Variants in CAMKMT observed in about 807,000 individuals in gnomAD.
CAMKMT encodes CaM KMT.
CAMKMT carries 53 observed loss-of-function variants against 48.0 expected under a neutral mutation model. The ratio of observed to expected loss-of-function variants is 1.10; its 90% CI spans 0.89 to 1.39. CAMKMT has a LOEUF of 1.39. Ranked by LOEUF, CAMKMT falls within the 40% of genes most tolerant of loss-of-function variation. CAMKMT has a pLI of 0.00. For synonymous variants in CAMKMT, 165 were observed against 152.3 expected (o/e 1.08, Z -0.61); for missense variants, 428 against 402.7 (o/e 1.06, Z -0.54).
At chr2:44,641,093 C>T (rs539701859) in intron 3 of CAMKMT, among the ~76,000 whole-genome samples, 1 of 152,258 alleles carries the variant, frequency 6.6e-6, no homozygotes, top group South Asian at 2.1e-4. Flanking sequence ...CTGTTGCCCC[C>T]CTTTTATCTC....
intron 3 of CAMKMT, among the ~76,000 whole-genome samples, chr2:44,687,747 T>C (rs1676419037): frequency 6.6e-6 from 1 of 152,278 alleles, no homozygotes; most frequent in African/African-American, 2.4e-5. Flanking sequence ...ACAGATGCTG[T>C]GGATGGATGC....
At chr2:44,716,535 G>A (rs986437966) in intron 7 of CAMKMT, among the ~76,000 whole-genome samples, 2 of 152,168 alleles carry the variant, frequency 1.3e-5, no homozygotes, top group African/African-American at 2.4e-5. Context: ...GAGTAAGCTG[G>A]TGGCACAGGG....
At chr2:44,578,632 C>G (rs1280102723) in intron 3 of CAMKMT, among the ~76,000 whole-genome samples, 5 of 152,098 alleles carry the variant, frequency 3.3e-5, no homozygotes, top group Admixed American at 3.3e-4. Context: ...AAACACTTTC[C>G]TAGTTCTACA....
intron 3 of CAMKMT, among the ~76,000 whole-genome samples, chr2:44,661,444 C>T (rs1674675833): frequency 6.6e-6 from 1 of 151,240 alleles, no homozygotes; most frequent in Non-Finnish European, 1.5e-5. Context: ...GCCTCCTTAG[C>T]AGCTGGGATT....
intron 3 of CAMKMT, among the ~76,000 whole-genome samples, chr2:44,527,343 T>TATACATATATAATATATATACGTATATAC (rs1666185398): frequency 2.8e-5 from 4 of 144,304 alleles, no homozygotes; most frequent in Admixed American, 7.1e-5. Flanking sequence ...ATAATACATA[T>TATACATATATAATATATATACGTATATAC]ATACATATAT....
At chr2:44,723,650 AAAT>A (rs1558819132) in intron 7 of CAMKMT, 27 of 133,990 alleles carry the variant, frequency 2.0e-4, no homozygotes, top group South Asian at 1.9e-3. Flanking sequence ...ATAAATAAAT[AAAT>A]AAAATAATAA....
At chr2:44,376,425 A>G (rs994477540) in intron 2 of CAMKMT, among the ~76,000 whole-genome samples, 28 of 151,934 alleles carry the variant, frequency 1.8e-4, no homozygotes, top group African/African-American at 5.6e-4. Context: ...GTATCAAAAA[A>G]AAAAAAAAAA....
intron 3 of CAMKMT, among the ~76,000 whole-genome samples, chr2:44,450,461 T>A (rs181136845): frequency 2.0e-5 from 3 of 152,186 alleles, no homozygotes; most frequent in Non-Finnish European, 4.4e-5. Flanking sequence ...CAAACATTGT[T>A]GGTTCATCAA....
At chr2:44,437,020 T>C (rs962119198) in intron 3 of CAMKMT, among the ~76,000 whole-genome samples, 4 of 152,232 alleles carry the variant, frequency 2.6e-5, no homozygotes, top group Non-Finnish European at 5.9e-5. Context: ...CATACCATTT[T>C]AGTTTCATAC....
At chr2:44,399,182 G>C (rs529391761) in intron 3 of CAMKMT, among the ~76,000 whole-genome samples, 2 of 152,116 alleles carry the variant, frequency 1.3e-5, no homozygotes, top group African/African-American at 4.8e-5. Flanking sequence ...TGCCCTTCCA[G>C]GGTTTTGAAG....
In CAMKMT at chr2:44,618,690, G is replaced by T. The variant is rs1283756148; in HGVS notation, c.377-85593G>T. Among the ~76,000 whole-genome samples the T allele has an allele frequency of 6.6e-6, 1 of 152,166 alleles. No individual in the cohort carries two copies. Among genetic ancestry groups the T allele is most frequent in the African/African-American group, 2.4e-5 (1 of 41,440 alleles). ...TTGAGCACTTTGGCTGTGTGTTTAT[G>T]TGTAGTTGTCATGCTTAAAATATTC... On this transcript the variant is annotated intron_variant, in intron 3 of 10. Transcript: ENST00000378494. This position sits in a 1 kb window ranked among gnomAD's most constrained non-coding sequence, Gnocchi z 4.0.
At chr2:44,502,238 C>A (rs1404522785) in intron 3 of CAMKMT, among the ~76,000 whole-genome samples, 1 of 151,796 alleles carries the variant, frequency 6.6e-6, no homozygotes, top group Admixed American at 6.6e-5. Context: ...AAAAAAATTA[C>A]CGAATAAATA....
intron 3 of CAMKMT, among the ~76,000 whole-genome samples, chr2:44,413,474 A>T (rs1405040376): frequency 6.6e-6 from 1 of 152,136 alleles, no homozygotes; most frequent in Non-Finnish European, 1.5e-5. Flanking sequence ...CAACGTAGTG[A>T]AACCCCGTGT....
intron 3 of CAMKMT, among the ~76,000 whole-genome samples, chr2:44,660,980 C>T (rs1674649842): frequency 6.6e-6 from 1 of 152,090 alleles, no homozygotes; most frequent in Non-Finnish European, 1.5e-5. Context: ...ATGTATTGAA[C>T]AGGGATGATC....
At chr2:44,459,457 A>G (rs1667741199) in intron 3 of CAMKMT, among the ~76,000 whole-genome samples, 1 of 151,244 alleles carries the variant, frequency 6.6e-6, no homozygotes, top group Non-Finnish European at 1.5e-5. Flanking sequence ...GATGAAATGT[A>G]TTATTATTTA....
intron 3 of CAMKMT, among the ~76,000 whole-genome samples, chr2:44,496,934 A>G (rs1396958257): frequency 6.6e-6 from 1 of 152,178 alleles, no homozygotes; most frequent in African/African-American, 2.4e-5. Flanking sequence ...TTTTAGTGTA[A>G]CAGTGGACTT....
At chr2:44,454,596 C>T (rs1667462021) in intron 3 of CAMKMT, among the ~76,000 whole-genome samples, 1 of 152,048 alleles carries the variant, frequency 6.6e-6, no homozygotes, top group Non-Finnish European at 1.5e-5. Context: ...GTAACTATGC[C>T]TTGAAGTAGG....
chr2:44,507,246 CT>C (rs1670309607), intron 3 of CAMKMT, among the ~76,000 whole-genome samples: 1 of 152,128 alleles, frequency 6.6e-6, no homozygotes, highest in Admixed American at 6.5e-5. Flanking sequence ...TCAGTAAATT[CT>C]TTTTGTCATT....
At chr2:44,517,717 A>G (rs562970924) in intron 3 of CAMKMT, among the ~76,000 whole-genome samples, 7 of 152,322 alleles carry the variant, frequency 4.6e-5, no homozygotes, top group African/African-American at 1.7e-4. Flanking sequence ...TGACAGCCAT[A>G]AATATTTCAT....
Sources: allele counts gnomAD v4.1 joint callset (sites outside exome capture counted in the v4.1 genomes callset), GRCh38; gene constraint gnomAD v4.1.1; non-coding constraint Gnocchi (gnomAD v3.1); transcripts MANE v1.5; gene names NCBI Gene and HGNC (gene_info 2026-07-23, HGNC 2026-07-21).